Variants in GRAMD4 observed in about 807,000 individuals in gnomAD.
The protein encoded by GRAMD4 is GRAM domain-containing protein 4.
A neutral mutation model predicts 83.9 loss-of-function variants in GRAMD4; 25 were observed. The ratio of observed to expected loss-of-function variants is 0.30; its 90% CI spans 0.22 to 0.42. The LOEUF is 0.42. Among genes scored for constraint, GRAMD4 ranks in the 10% least tolerant of loss-of-function variants. The pLI, the probability that GRAMD4 is intolerant of heterozygous loss-of-function variation, is 1.00. For missense variants in GRAMD4, 593 were observed against 788.7 expected (o/e 0.75, Z 2.97); for synonymous variants, 336 against 320.9 (o/e 1.05, Z -0.50).
intron 2 of GRAMD4, among the ~76,000 whole-genome samples, chr22:46,633,593 G>A (rs777135291): frequency 6.6e-6 from 1 of 152,222 alleles, no homozygotes; most frequent in African/African-American, 2.4e-5. Context: ...GTGGGTTGGC[G>A]TCCTTGCTGC....
chr22:46,667,265 A>C (rs1338570854), intron 10 of GRAMD4, among the ~76,000 whole-genome samples: 1 of 151,076 alleles, frequency 6.6e-6, no homozygotes, highest in Non-Finnish European at 1.5e-5. Flanking sequence ...TCAAGAGCCC[A>C]CCTCTCGGAG....
At chr22:46,675,343 G>A in intron 16 of GRAMD4, 125 bp from the exon 17 acceptor site, 1 of 726,722 alleles carries the variant, frequency 1.4e-6, no homozygotes, top group Non-Finnish European at 2.5e-6. Context: ...TTCTGTGTCT[G>A]CTGGGAAGGG....
In GRAMD4 at chr22:46,672,065, A is replaced by G. The variant is rs1385382076; in HGVS notation, c.1085-778A>G. ...CACTGGGGGCAGCGAGACAGCCCCC[A>G]GCACTGGGAGGGGCACCCGGAGAGA... is the stretch of plus-strand genomic sequence containing the variant. On this transcript the variant is annotated intron_variant, in intron 13 of 18. Transcript: ENST00000406902. This position sits in a 1 kb window ranked among gnomAD's most constrained non-coding sequence, Gnocchi z 4.7. Among the ~76,000 whole-genome samples the G allele has an allele frequency of 6.6e-6, 1 of 152,266 alleles. No individual in the cohort carries two copies. The highest frequency in any genetic ancestry group is 1.5e-5 in the Non-Finnish European group (1 of 68,050).
At chr22:46,643,295 TCATCCATCCATCCATC>T in intron 3 of GRAMD4, among the ~76,000 whole-genome samples, 1 of 103,002 alleles carries the variant, frequency 9.7e-6, no homozygotes, top group African/African-American at 3.4e-5. Flanking sequence ...ATCCATCCAT[TCATCCATCCATCCATC>T]CATCCATCCA....
At position 46,659,580 on chromosome 22, in the gene GRAMD4, C is replaced by G. The variant is rs2147334165; in HGVS notation, c.404+1273C>G. ...CTCCAAGTGTCGCTGCTTAGCTGGC[C>G]CTGAGGAAGCGGCTCCCTTCAGCAC... On this transcript the variant is annotated intron_variant, in intron 4 of 18. Coordinates refer to ENST00000406902, the MANE Select transcript of GRAMD4 (RefSeq NM_015124.5). The surrounding 1 kb of genome is among the most constrained non-coding windows in gnomAD (Gnocchi z 4.1). Among the ~76,000 whole-genome samples, 1 of 152,324 alleles carries G rather than the reference C, an allele frequency of 6.6e-6. No homozygotes were observed. Among genetic ancestry groups the G allele is most frequent in the East Asian group, 1.9e-4 (1 of 5,174 alleles).
Position 46,663,029 on chromosome 22 carries a change from G to T in GRAMD4, c.467-11G>T, listed in dbSNP as rs768263907. 3 of 1,599,546 alleles carry T rather than the reference G, an allele frequency of 1.9e-6. No individual in the cohort carries two copies. The highest frequency in any genetic ancestry group is 1.7e-5 in the Admixed American group (1 of 59,354). ...CCTGCCGTGCCCTCACCGGGTCCCT[G>T]CCCCCTGCAGAGCGCCGGAGCCAGG... On this transcript the variant is annotated splice_polypyrimidine_tract_variant and intron_variant, in intron 5 of 18. Transcript: ENST00000406902.
chr22:46,629,912 C>T (rs2081740472), intron 2 of GRAMD4, among the ~76,000 whole-genome samples: 1 of 152,218 alleles, frequency 6.6e-6, no homozygotes, highest in African/African-American at 2.4e-5. Flanking sequence ...TGTGTCTGTC[C>T]TTTGCTCGCA....
intron 1 of GRAMD4, among the ~76,000 whole-genome samples, chr22:46,580,180 G>A (rs1360363602): frequency 1.3e-5 from 2 of 152,236 alleles, no homozygotes; most frequent in African/African-American, 2.4e-5. Flanking sequence ...AGCTGTGGCC[G>A]GGTTTAGTGA....
chr22:46,639,806 C>T (rs926777933), intron 3 of GRAMD4, among the ~76,000 whole-genome samples: 9 of 152,230 alleles, frequency 5.9e-5, no homozygotes, highest in Non-Finnish European at 1.2e-4. Flanking sequence ...GCTCTGGTGA[C>T]ACACTATGGC....
In GRAMD4 at chr22:46,677,189, G is replaced by A. The variant is rs1362120645; in HGVS notation, c.1675G>A (p.Glu559Lys). The part of the protein sequence containing the change: ...GAMVHRDEAF[E>K]TILSQYIKIT... ...CATGGTGCACAGGGATGAGGCCTTC[G>A]AGACCATTCTCAGCCAGTACATCAA... The change falls in exon 19 of 19, where the codon GAG (glutamate) becomes AAG (lysine). Residue 559 changes from glutamate (E) to lysine (K), a missense_variant. By Grantham distance (56) the Glu-to-Lys change is moderately conservative. Transcript: ENST00000406902. 5.0e-6 allele frequency: 8 copies of A among 1,613,718 alleles called. No individual in the cohort carries two copies. The highest frequency in any genetic ancestry group is 3.3e-5 in the Admixed American group (2 of 60,012).
intron 8 of GRAMD4, among the ~76,000 whole-genome samples, chr22:46,664,574 CA>C (rs2082379790): frequency 6.6e-6 from 1 of 152,218 alleles, no homozygotes; most frequent in African/African-American, 2.4e-5. Flanking sequence ...CCCACATTGC[CA>C]GGGCCTTGGG....
At chr22:46,658,142 G>A (rs370647249) in intron 3 of GRAMD4, 45 bp from the exon 4 acceptor site, 51 of 1,611,314 alleles carry the variant, frequency 3.2e-5, no homozygotes, top group South Asian at 9.9e-5. Context: ...AGTCGGGGTC[G>A]CGTGGACATG....
intron 3 of GRAMD4, among the ~76,000 whole-genome samples, chr22:46,644,694 CCTGTTTT>C (rs150349427): frequency 8.2e-6 from 1 of 121,772 alleles, no homozygotes; most frequent in Non-Finnish European, 1.7e-5. Flanking sequence ...CCACTTGTTC[CCTGTTTT>C]TTTTTTTTTT....
At chr22:46,602,829 G>A (rs1299218649) in intron 1 of GRAMD4, among the ~76,000 whole-genome samples, 3 of 130,258 alleles carry the variant, frequency 2.3e-5, no homozygotes, top group South Asian at 5.1e-4. Flanking sequence ...TGCAACCTCT[G>A]CCTCTTGGGT....
chr22:46,661,423 C>T lies in GRAMD4; in HGVS notation c.447C>T (p.Ala149=). 6.2e-7 allele frequency: 1 copy of T among 1,611,502 alleles called. No homozygotes were observed. The highest frequency in any genetic ancestry group is 8.5e-7 in the Non-Finnish European group (1 of 1,179,668). Residue 149 remains alanine (A), a synonymous_variant, in exon 5 of 19, where the codon GCC becomes GCT. Transcript: ENST00000406902. Reference sequence around the variant, plus strand: ...CTCAGCAGCCCCCAAAAGGGCAGGCCCAGGCCAGCAATGGAGCAGGTACAC... The same window carrying T: ...CTCAGCAGCCCCCAAAAGGGCAGGCTCAGGCCAGCAATGGAGCAGGTACAC... ...QMAQQPPKGQ[A]QASNGAERRS... is the part of the protein sequence containing the mutation.
At chr22:46,576,568 G>C (rs988331978), upstream of GRAMD4, among the ~76,000 whole-genome samples, 3 of 152,224 alleles carry the variant, frequency 2.0e-5, no homozygotes, top group Non-Finnish European at 4.4e-5. Context: ...GGATGGGCGC[G>C]CCAGGTACTG....
In GRAMD4 at chr22:46,677,440, A is replaced by G. The variant is rs914743065; in HGVS notation, c.*189A>G. ...CAAGAAGGGGCCAGGGCTCACAGGG[A>G]CGGGGGTGCCCCTCTCCCACAGGGC... On this transcript the variant is annotated 3_prime_UTR_variant, in exon 19 of 19. Coordinates refer to ENST00000406902, the MANE Select transcript of GRAMD4 (RefSeq NM_015124.5). The G allele has an allele frequency of 5.2e-6, 7 of 1,355,870 alleles. No homozygotes were observed. The African/African-American group carries it at 7.3e-5, about 14-fold the overall frequency. The allele number at this position is 1,355,870 out of a possible 1,614,324, so 84.0% of individuals were successfully genotyped here.
At chr22:46,580,508 G>T (rs554271322) in intron 1 of GRAMD4, among the ~76,000 whole-genome samples, 1 of 152,110 alleles carries the variant, frequency 6.6e-6, no homozygotes, top group Non-Finnish European at 1.5e-5. Context: ...CAAGGGGACA[G>T]TTATGTGAAC....
At chr22:46,605,363 CTT>C (rs2081354914) in intron 1 of GRAMD4, among the ~76,000 whole-genome samples, 1 of 152,234 alleles carries the variant, frequency 6.6e-6, no homozygotes, top group South Asian at 2.1e-4. Context: ...TTCATGAACA[CTT>C]AGGTTGCTTC....
Sources: allele counts gnomAD v4.1 joint callset (sites outside exome capture counted in the v4.1 genomes callset), GRCh38; gene constraint gnomAD v4.1.1; non-coding constraint Gnocchi (gnomAD v3.1); transcripts MANE v1.5; gene names NCBI Gene and HGNC (gene_info 2026-07-23, HGNC 2026-07-21).